The following KAZN variants were observed in gnomAD, a reference collection of about 807,000 sequenced individuals.
KAZN encodes kazrin, periplakin interacting protein.
A neutral mutation model predicts 87.4 loss-of-function variants in KAZN; 40 were observed. The ratio of observed to expected loss-of-function variants is 0.46; its 90% confidence interval spans 0.36 to 0.60. The LOEUF is 0.60. Among genes scored for constraint, KAZN ranks in the 20% least tolerant of loss-of-function variants. The pLI is 0.00. For missense variants in KAZN, 898 were observed against 1,073.9 expected (o/e 0.84, Z 2.29); for synonymous variants, 466 against 458.3 (o/e 1.02, Z -0.22).
At chr1:14,202,801 G>C (rs1646666189) in intron 2 of KAZN, among the ~76,000 whole-genome samples, 1 of 152,092 alleles carries the variant, frequency 6.6e-6, no homozygotes, top group African/African-American at 2.4e-5. Flanking sequence ...CAGATCACCT[G>C]AGATCAGGAG....
At chr1:15,111,134 G>A (rs1156957494) in intron 13 of KAZN, among the ~76,000 whole-genome samples, 2 of 152,152 alleles carry the variant, frequency 1.3e-5, no homozygotes, top group African/African-American at 4.8e-5. Context: ...GTTTGAGAAC[G>A]TAGCTCATTT....
At chr1:15,036,195 G>T (rs1672243069) in intron 3 of KAZN, among the ~76,000 whole-genome samples, 1 of 102,160 alleles carries the variant, frequency 9.8e-6, no homozygotes, top group Non-Finnish European at 2.0e-5. Flanking sequence ...CGAGAGCAGG[G>T]CCCGGCTCCC....
At chr1:14,007,655 T>C (rs1045468145) in intron 1 of KAZN, among the ~76,000 whole-genome samples, 1 of 152,238 alleles carries the variant, frequency 6.6e-6, no homozygotes, top group Non-Finnish European at 1.5e-5. Flanking sequence ...GCCACAATTT[T>C]ATCACACTAG....
In KAZN at chr1:14,996,189, G is replaced by A. The variant is rs1373648934; in HGVS notation, c.418+35314G>A. On this transcript the variant is annotated intron_variant, in intron 2 of 14. Transcript: ENST00000376030. This position sits in a 1 kb window ranked among gnomAD's most constrained non-coding sequence, Gnocchi z 5.9. Reference sequence around the variant, plus strand: ...TCTGGGTCTTGGCTCTTCATGCCCCGCCCACTCCACCCCCAGTGCCTGGCA... The same window carrying A: ...TCTGGGTCTTGGCTCTTCATGCCCCACCCACTCCACCCCCAGTGCCTGGCA... Among the ~76,000 whole-genome samples the A allele has an allele frequency of 6.6e-6, 1 of 151,964 alleles. No homozygotes were observed. The highest frequency in any genetic ancestry group is 1.9e-4 in the East Asian group (1 of 5,174).
chr1:14,529,264 A>G (rs1255677929), intron 2 of KAZN, among the ~76,000 whole-genome samples: 1 of 152,214 alleles, frequency 6.6e-6, no homozygotes, highest in East Asian at 1.9e-4. Flanking sequence ...AGATCGCGCC[A>G]TTGCACCCCA....
At chr1:13,918,032 A>G (rs1639924326) in intron 1 of KAZN, among the ~76,000 whole-genome samples, 2 of 152,190 alleles carry the variant, frequency 1.3e-5, no homozygotes, top group Non-Finnish European at 2.9e-5. Context: ...AGGGAGATTA[A>G]TGTTGTTTTC....
chr1:14,367,054 A>C (rs1005333746), intron 2 of KAZN, among the ~76,000 whole-genome samples: 4 of 152,120 alleles, frequency 2.6e-5, no homozygotes, highest in African/African-American at 9.7e-5. Flanking sequence ...ACATGGTGAA[A>C]CCCTGTCTCT....
At chr1:14,924,247 A>T in intron 1 of KAZN, 1 of 977,692 alleles carries the variant, frequency 1.0e-6, no homozygotes, top group Non-Finnish European at 1.2e-6. Flanking sequence ...GCCGGGCGGG[A>T]GGCGGGGGCG....
Position 14,562,508 on chromosome 1 carries a change from T to C in KAZN, c.250-36475T>C, listed in dbSNP as rs534975414. 1.9e-4 allele frequency among the ~76,000 whole-genome samples: 29 copies of C among 152,324 alleles called. No individual in the cohort carries two copies. The South Asian group carries it at 5.2e-3, about 27-fold the overall frequency. ...TGAGACCTATTGCGGTGGATTGTCA[T>C]TGATATCCTAAGCTAGTTCTGAAAT... is the stretch of plus-strand genomic sequence containing the variant. On this transcript the variant is annotated intron_variant, in intron 2 of 16. Transcript: ENST00000636203.
intron 1 of KAZN, among the ~76,000 whole-genome samples, chr1:14,114,388 C>T (rs115158498): frequency 0.012 from 1,843 of 152,066 alleles, 40 homozygotes; most frequent in African/African-American, 0.041. Flanking sequence ...ATGACTCTGG[C>T]GATTTGCAGA....
At chr1:14,461,038 T>A (rs1249380902) in intron 2 of KAZN, among the ~76,000 whole-genome samples, 2 of 152,192 alleles carry the variant, frequency 1.3e-5, no homozygotes, top group Non-Finnish European at 2.9e-5. Context: ...CTAGTTGGAC[T>A]TTTTATCTGT....
At chr1:14,381,633 T>C (rs4415555) in intron 2 of KAZN, among the ~76,000 whole-genome samples, 33,364 of 152,114 alleles carry the variant, frequency 0.22, 3,991 homozygotes, top group East Asian at 0.5. Context: ...CAGCCATTCA[T>C]GATAAAAACC....
intron 8 of KAZN, among the ~76,000 whole-genome samples, chr1:15,069,522 G>A (rs1387886647): frequency 6.6e-6 from 1 of 152,216 alleles, no homozygotes; most frequent in African/African-American, 2.4e-5. Flanking sequence ...CTTCTCCAGG[G>A]AAGCTGAGGC....
chr1:14,712,275 T>G (rs4661300), intron 1 of KAZN, among the ~76,000 whole-genome samples: 102,095 of 151,942 alleles, frequency 0.67, 34,406 homozygotes, highest in East Asian at 0.76. Context: ...GGCTGTGAGA[T>G]TCATCTGTGC....
intron 2 of KAZN, among the ~76,000 whole-genome samples, chr1:14,343,484 G>A (rs1167789957): frequency 2.6e-5 from 4 of 152,152 alleles, no homozygotes; most frequent in African/African-American, 9.7e-5. Context: ...TGTAGGTGAT[G>A]GAGCTCCATG....
chr1:14,155,639 C>T (rs1197945488), intron 1 of KAZN, among the ~76,000 whole-genome samples: 1 of 139,928 alleles, frequency 7.1e-6, no homozygotes, highest in Non-Finnish European at 1.5e-5. Flanking sequence ...TGGTATTTTT[C>T]TTCTTCTTCT....
intron 1 of KAZN, among the ~76,000 whole-genome samples, chr1:14,848,162 C>T (rs995979391): frequency 1.3e-5 from 2 of 152,220 alleles, no homozygotes; most frequent in African/African-American, 4.8e-5. Flanking sequence ...TCCCACACGT[C>T]TCTGAGCCTC....
intron 2 of KAZN, among the ~76,000 whole-genome samples, chr1:14,977,814 C>T (rs1665803372): frequency 6.6e-6 from 1 of 151,292 alleles, no homozygotes; most frequent in African/African-American, 2.4e-5. Context: ...GCCTCTCACT[C>T]GCTTGCCTGG....
chr1:13,911,902 G>A (rs958210552), intron 1 of KAZN, among the ~76,000 whole-genome samples: 2 of 152,170 alleles, frequency 1.3e-5, no homozygotes, highest in Non-Finnish European at 2.9e-5. Flanking sequence ...AGTGAAGGAT[G>A]TGGGTTTGGT....
Sources: gnomAD v4.1 joint callset for allele counts (sites outside exome capture counted in the v4.1 genomes callset) on GRCh38, gnomAD v4.1.1 for gene constraint, Gnocchi (gnomAD v3.1) non-coding constraint, MANE v1.5 for transcripts, NCBI Gene and HGNC (gene_info 2026-07-23, HGNC 2026-07-21) for gene names.